Variants in SLC23A1 observed in about 807,000 individuals in gnomAD.
The protein encoded by SLC23A1 is Na(+)/L-ascorbic acid transporter 1.
A neutral mutation model predicts 62.5 loss-of-function variants in SLC23A1; 31 were observed. That is an observed-to-expected ratio of 0.50 (90% CI 0.37 to 0.67). SLC23A1 has a LOEUF of 0.67. Among genes scored for constraint, SLC23A1 ranks in the 30% least tolerant of loss-of-function variants. SLC23A1 has a pLI of 0.00. For missense variants in SLC23A1, 640 were observed against 782.7 expected (o/e 0.82, Z 2.18); for synonymous variants, 271 against 313.2 (o/e 0.87, Z 1.42).
At chr5:139,382,901 AG>A (rs1370024395) in intron 1 of SLC23A1, among the ~76,000 whole-genome samples, 1 of 152,122 alleles carries the variant, frequency 6.6e-6, no homozygotes, top group Admixed American at 6.5e-5. Flanking sequence ...ACCACAGGAG[AG>A]GGGGCCAAGA....
At chr5:139,377,845 C>G (rs1350430774) in intron 12 of SLC23A1, 130 bp downstream of exon 12, 5 of 856,144 alleles carry the variant, frequency 5.8e-6, no homozygotes, top group Non-Finnish European at 9.1e-6. Flanking sequence ...CCCAAGCTCT[C>G]AGCTGCTGGT....
rs762185220 is a variant in SLC23A1, at chr5:139,374,841, TCTC to T, written c.1549+2558_1549+2560del. Reference sequence around the variant, plus strand: ...CAGATGCCTACCCAGATGCTCTCCATCTCCTCATATTCCCTAGGCATTGAGGCT... The same window carrying T: ...CAGATGCCTACCCAGATGCTCTCCATCTCATATTCCCTAGGCATTGAGGCT... On this transcript the variant is annotated intron_variant, in intron 13 of 14. Coordinates refer to ENST00000348729, the MANE Select transcript of SLC23A1 (RefSeq NM_005847.5). 5.6e-4 allele frequency among the ~76,000 whole-genome samples: 85 copies of T among 152,246 alleles called. 1 individual carries two copies. The Middle Eastern group carries it at 0.017, about 30-fold the overall frequency.
In SLC23A1 at chr5:139,383,206, A is replaced by T; in HGVS notation, c.36+12T>A. On this transcript the variant is annotated intron_variant, in intron 1 of 14. Coordinates refer to ENST00000348729, the MANE Select transcript of SLC23A1 (RefSeq NM_005847.5). ...CCTGCCCCCCCTAGCCCCCACCCCCAGCCCCCAGCACCTGTGTCCGGCCCT... is the reference window on the plus strand; with the variant it reads ...CCTGCCCCCCCTAGCCCCCACCCCCTGCCCCCAGCACCTGTGTCCGGCCCT... The T allele has an allele frequency of 7.9e-6, 2 of 251,998 alleles. No individual in the cohort carries two copies. The highest frequency in any genetic ancestry group is 1.2e-5 in the Non-Finnish European group (2 of 172,518). The allele number at this position is 251,998 out of a possible 1,614,324, so 15.6% of individuals were successfully genotyped here. A position where few individuals can be genotyped will look rare whatever the true frequency, so the allele number is the denominator to read the frequency against.
chr5:139,383,972 G>C (rs1561984071), upstream of SLC23A1, among the ~76,000 whole-genome samples: 1 of 152,240 alleles, frequency 6.6e-6, no homozygotes, highest in Non-Finnish European at 1.5e-5. Flanking sequence ...AGCCGGGTCT[G>C]CACTCTGTGT....
intron 13 of SLC23A1, among the ~76,000 whole-genome samples, chr5:139,373,623 G>C (rs1447551346): frequency 6.6e-6 from 1 of 152,174 alleles, no homozygotes; most frequent in Non-Finnish European, 1.5e-5. Flanking sequence ...TGGCAGCCCA[G>C]GCTGAGAACA....
chr5:139,383,401 C>G, upstream of SLC23A1: 4 of 1,448,964 alleles, frequency 2.8e-6, no homozygotes, highest in Non-Finnish European at 3.6e-6. Context: ...AAGGGGGGCC[C>G]GGGCAGAGGT....
At chr5:139,374,351 G>T (rs1757838578) in intron 13 of SLC23A1, among the ~76,000 whole-genome samples, 1 of 152,200 alleles carries the variant, frequency 6.6e-6, no homozygotes, top group African/African-American at 2.4e-5. Flanking sequence ...GGGAGGCTGA[G>T]GCAGGAGAAT....
chr5:139,380,995 A>C, intron 3 of SLC23A1, 109 bp from the exon 4 acceptor site: 1 of 627,110 alleles, frequency 1.6e-6, no homozygotes, highest in East Asian at 2.7e-5. Context: ...TGACAGAGAC[A>C]CAAGGGACAA....
chr5:139,374,169 CAG>C (rs1757828094), intron 13 of SLC23A1, among the ~76,000 whole-genome samples: 1 of 152,216 alleles, frequency 6.6e-6, no homozygotes, highest in African/African-American at 2.4e-5. Flanking sequence ...ATATCCTCCT[CAG>C]TGTCTGATTC....
chr5:139,380,994 C>T, intron 3 of SLC23A1, 108 bp from the exon 4 acceptor site: 1 of 635,792 alleles, frequency 1.6e-6, no homozygotes, highest in Non-Finnish European at 2.8e-6. Flanking sequence ...GTGACAGAGA[C>T]ACAAGGGACA....
At chr5:139,369,601 T>G (rs1757526718) in intron 14 of SLC23A1, 1 of 152,626 alleles carries the variant, frequency 6.6e-6, no homozygotes, top group Non-Finnish European at 1.5e-5. Context: ...AAACTTCATA[T>G]TTGGGTAGGT....
upstream of SLC23A1, chr5:139,384,502 T>C: frequency 7.8e-7 from 1 of 1,289,848 alleles, no homozygotes; most frequent in South Asian, 1.2e-5. Flanking sequence ...GCCTGTCCTC[T>C]CCTCTCCCTC....
upstream of SLC23A1, among the ~76,000 whole-genome samples, chr5:139,385,216 G>A (rs1758468091): frequency 6.6e-6 from 1 of 152,188 alleles, no homozygotes; most frequent in Non-Finnish European, 1.5e-5. Flanking sequence ...AGAATGTTCT[G>A]TCTCTCTCCC....
intron 13 of SLC23A1, among the ~76,000 whole-genome samples, chr5:139,372,878 C>T (rs770099584): frequency 2.0e-4 from 31 of 152,088 alleles, no homozygotes; most frequent in Middle Eastern, 3.4e-3. Flanking sequence ...CCACTGTGCC[C>T]GGCCTATACA....
At chr5:139,368,794 T>C (rs1757466147) in intron 14 of SLC23A1, 1 of 1,610,412 alleles carries the variant, frequency 6.2e-7, no homozygotes, top group East Asian at 2.2e-5. Flanking sequence ...TACGGAAATA[T>C]TTGAGTAGAC....
chr5:139,370,642 C>T lies in SLC23A1; in HGVS notation c.*19+1345G>A, dbSNP rs182242971. 6.6e-5 allele frequency among the ~76,000 whole-genome samples: 10 copies of T among 152,032 alleles called. No individual in the cohort carries two copies. The East Asian group carries it at 1.9e-3, about 30-fold the overall frequency. ...AAGTAGCTGGGATTACAGGCGCCTA[C>T]CACCACGCCTGGCTAATTTTTGTAT... On this transcript the variant is annotated intron_variant, in intron 14 of 14. Coordinates refer to ENST00000348729, the MANE Select transcript of SLC23A1 (RefSeq NM_005847.5).
upstream of SLC23A1, among the ~76,000 whole-genome samples, chr5:139,383,541 G>T (rs1416814523): frequency 6.6e-6 from 1 of 152,220 alleles, no homozygotes; most frequent in Admixed American, 6.5e-5. Flanking sequence ...AGTCGAGGGG[G>T]TGAGGACCAG....
chr5:139,371,928 A>T, intron 14 of SLC23A1, 59 bp downstream of exon 14: 1 of 1,362,216 alleles, frequency 7.3e-7, no homozygotes. Flanking sequence ...TTCTTTGGTT[A>T]AAGCATAAGA....
chr5:139,370,003 T>A (rs754345543), intron 14 of SLC23A1, among the ~76,000 whole-genome samples: 4 of 152,230 alleles, frequency 2.6e-5, no homozygotes, highest in Non-Finnish European at 5.9e-5. Flanking sequence ...GTGACCTTAC[T>A]CTAATAGAAC....
Sources: allele counts gnomAD v4.1 joint callset (sites outside exome capture counted in the v4.1 genomes callset), GRCh38; gene constraint gnomAD v4.1.1; transcripts MANE v1.5; gene names NCBI Gene and HGNC (gene_info 2026-07-23, HGNC 2026-07-21).